ZBTB38: variants seen among roughly 807,000 people sequenced by gnomAD.
ZBTB38 encodes zinc finger and BTB domain-containing protein 38.
A neutral mutation model predicts 76.8 loss-of-function variants in ZBTB38; 20 were observed. That is an observed-to-expected ratio of 0.26 (90% CI 0.18 to 0.38). The LOEUF (loss-of-function observed/expected upper bound fraction) is 0.38, where lower values mean the gene tolerates loss of function less well. ZBTB38 is among the 10% of genes least tolerant of loss of function. The pLI is 1.00. For missense variants in ZBTB38, 1,082 were observed against 1,482.3 expected, an observed-to-expected ratio of 0.73 and a Z score of 4.43; for synonymous variants, 504 against 544.2, an observed-to-expected ratio of 0.93 and a Z score of 1.03.
intron 1 of ZBTB38, among the ~76,000 whole-genome samples, chr3:141,359,859 A>C (rs1024527128): frequency 1.3e-5 from 2 of 152,094 alleles, no homozygotes; most frequent in African/African-American, 4.8e-5. Context: ...TGAGCCCTGA[A>C]GGTTGAGGTT....
chr3:141,332,031 C>T (rs1384950886), intron 1 of ZBTB38, among the ~76,000 whole-genome samples: 2 of 152,124 alleles, frequency 1.3e-5, no homozygotes, highest in African/African-American at 4.8e-5. Flanking sequence ...ATTGTGTCAC[C>T]AACGTTTCTT....
At position 141,444,734 on chromosome 3, in the gene ZBTB38, A is replaced by G. The variant is rs1228040377; in HGVS notation, c.2346A>G (p.Ser782=). Residue 782 remains serine, a synonymous_variant, in exon 6 of 6, where the codon TCA becomes TCG. Coordinates refer to ENST00000321464, the MANE Select transcript of ZBTB38 (RefSeq NM_001376113.1). The surrounding 1 kb of genome is among the most constrained non-coding windows in gnomAD (Gnocchi z 5.1). ...TTAAGGAGAAAAAGAAAACTACATCACATACCAGGGGAGAAATACCGGAGG... is the reference window on the plus strand; with the variant it reads ...TTAAGGAGAAAAAGAAAACTACATCGCATACCAGGGGAGAAATACCGGAGG... The part of the protein sequence containing the change: ...KSIKEKKKTT[S]HTRGEIPEES... 3.7e-6 allele frequency: 6 copies of G among 1,614,012 alleles called. No homozygotes were observed. The highest frequency in any genetic ancestry group is 1.7e-5 in the Admixed American group (1 of 60,000).
intron 1 of ZBTB38, among the ~76,000 whole-genome samples, chr3:141,361,760 T>A (rs1405622005): frequency 6.6e-6 from 1 of 152,176 alleles, no homozygotes; most frequent in African/African-American, 2.4e-5. Flanking sequence ...AGAGCCTCAG[T>A]GCCCCCAAAT....
intron 5 of ZBTB38, among the ~76,000 whole-genome samples, chr3:141,407,393 A>C (rs1954921106): frequency 6.6e-6 from 1 of 152,252 alleles, no homozygotes; most frequent in African/African-American, 2.4e-5. Context: ...GATTATTTGG[A>C]AGACTAATTA....
At chr3:141,364,042 C>A (rs2148965589), upstream of ZBTB38, among the ~76,000 whole-genome samples, 1 of 152,074 alleles carries the variant, frequency 6.6e-6, no homozygotes, top group South Asian at 2.1e-4. Flanking sequence ...AAATGACAAC[C>A]ATAGACAGGG....
intron 5 of ZBTB38, chr3:141,431,872 T>G (rs1559956627): frequency 6.5e-6 from 1 of 154,386 alleles, no homozygotes; most frequent in Admixed American, 6.5e-5. Context: ...TGCAGTAAAA[T>G]CTGATAAATG....
In ZBTB38 at chr3:141,383,278, G is replaced by C. The variant is rs139915185; in HGVS notation, c.-172+1791G>C. Among the ~76,000 whole-genome samples, 383 of 152,154 alleles carry C rather than the reference G, an allele frequency of 2.5e-3. 1 individual carries two copies. The highest frequency in any genetic ancestry group is 9.1e-3 in the African/African-American group (377 of 41,506). On this transcript the variant is annotated intron_variant, in intron 3 of 5. Coordinates refer to ENST00000321464, the MANE Select transcript of ZBTB38 (RefSeq NM_001376113.1). Reference sequence around the variant, plus strand: ...AATTAAATCACCATGTTGTTTCCAGGACTAAATACGCTATAGACAGATGTA... The same window carrying C: ...AATTAAATCACCATGTTGTTTCCAGCACTAAATACGCTATAGACAGATGTA...
intron 1 of ZBTB38, among the ~76,000 whole-genome samples, chr3:141,327,740 T>G (rs1942716420): frequency 6.6e-6 from 1 of 152,236 alleles, no homozygotes; most frequent in African/African-American, 2.4e-5. Context: ...CACACTAATG[T>G]AATACATGAA....
chr3:141,422,309 C>T (rs1432404474), intron 5 of ZBTB38, among the ~76,000 whole-genome samples: 1 of 152,204 alleles, frequency 6.6e-6, no homozygotes, highest in Non-Finnish European at 1.5e-5. Context: ...TCCTGCCCCA[C>T]CTCTCGGGCC....
chr3:141,392,223 G>C (rs2149359171), intron 4 of ZBTB38, among the ~76,000 whole-genome samples: 1 of 152,300 alleles, frequency 6.6e-6, no homozygotes, highest in South Asian at 2.1e-4. Context: ...AGACAAGCTT[G>C]TTCGGTTCCT....
At position 141,443,057 on chromosome 3, in the gene ZBTB38, C is replaced by G. The variant is rs745890075; in HGVS notation, c.669C>G (p.Tyr223Ter). 6.2e-7 allele frequency: 1 copy of G among 1,614,250 alleles called. No homozygotes were observed. The highest frequency in any genetic ancestry group is 1.7e-5 in the Admixed American group (1 of 60,034). Residue 223 changes from tyrosine (Y) to a stop codon, truncating the protein, a stop_gained, in exon 6 of 6, where the codon TAC (tyrosine) becomes TAG (stop). Coordinates refer to ENST00000321464, the MANE Select transcript of ZBTB38 (RefSeq NM_001376113.1). LOFTEE classifies it high-confidence loss of function. This position sits in a 1 kb window ranked among gnomAD's most constrained non-coding sequence, Gnocchi z 5.6. ...EPVRTLAEHS[Y>*]AVSSVAEAYR... Reference sequence around the variant, plus strand: ...TCCGCACACTTGCCGAGCACTCATACGCTGTTTCTTCCGTAGCTGAAGCTT... The same window carrying G: ...TCCGCACACTTGCCGAGCACTCATAGGCTGTTTCTTCCGTAGCTGAAGCTT...
At chr3:141,325,705 G>T (rs572505374) in intron 1 of ZBTB38, among the ~76,000 whole-genome samples, 2 of 152,308 alleles carry the variant, frequency 1.3e-5, no homozygotes, top group African/African-American at 4.8e-5. Context: ...ATAGAGTTTG[G>T]TGAGTTGAAG....
At position 141,442,331 on chromosome 3, in the gene ZBTB38, A is replaced by C; in HGVS notation, c.1-58A>C. On this transcript the variant is annotated intron_variant, in intron 5 of 5. Coordinates refer to ENST00000321464, the MANE Select transcript of ZBTB38 (RefSeq NM_001376113.1). This position sits in a 1 kb window ranked among gnomAD's most constrained non-coding sequence, Gnocchi z 6.4. ...TTTTCACAGAAGTGGAAAATAGTCT[A>C]GAGATAAAGAAGCCACCTGTGGAAG... 3.9e-6 allele frequency: 5 copies of C among 1,291,896 alleles called. No homozygotes were observed. The highest frequency in any genetic ancestry group is 5.4e-6 in the Non-Finnish European group (5 of 922,950). 80.0% of individuals were successfully genotyped at this position (1,291,896 alleles called of 1,614,324 possible).
chr3:141,443,179 G>A lies in ZBTB38; in HGVS notation c.791G>A (p.Arg264Gln), dbSNP rs530749887. 9.1e-5 allele frequency: 147 copies of A among 1,614,190 alleles called. No individual in the cohort carries two copies. Among genetic ancestry groups the A allele is most frequent in the Middle Eastern group, 1.6e-4 (1 of 6,062 alleles). Reference protein sequence around the residue: ...EALAAKPKTCRKPKTFSIPQD... With the variant: ...EALAAKPKTCQKPKTFSIPQD... ...CTTGCAGCGAAACCGAAAACATGCC[G>A]GAAGCCAAAGACATTCTCCATACCA... Residue 264 changes from arginine (R) to glutamine (Q), a missense_variant, in exon 6 of 6, where the codon CGG becomes CAG. This residue lies in a region of ZBTB38 where 324 missense variants were observed against 359.1 expected (regional missense o/e 0.90). Coordinates refer to ENST00000321464, the MANE Select transcript of ZBTB38 (RefSeq NM_001376113.1). The surrounding 1 kb of genome is among the most constrained non-coding windows in gnomAD (Gnocchi z 5.6).
chr3:141,367,897 A>G (rs1160061670), upstream of ZBTB38: 2 of 152,234 alleles, frequency 1.3e-5, no homozygotes. Context: ...CCAGGCACTG[A>G]GATATAAATA....
chr3:141,357,714 T>C (rs1418871447), intron 1 of ZBTB38, among the ~76,000 whole-genome samples: 1 of 152,134 alleles, frequency 6.6e-6, no homozygotes, highest in African/African-American at 2.4e-5. Context: ...CTTGAACTCC[T>C]GAGCTCAGGT....
chr3:141,329,652 C>T (rs1404553038), intron 1 of ZBTB38, among the ~76,000 whole-genome samples: 1 of 152,182 alleles, frequency 6.6e-6, no homozygotes, highest in Non-Finnish European at 1.5e-5. Flanking sequence ...GGGAGGAGAG[C>T]AGAAATGGAA....
chr3:141,415,275 A>G (rs2073724633), intron 5 of ZBTB38, among the ~76,000 whole-genome samples: 1 of 152,116 alleles, frequency 6.6e-6, no homozygotes, highest in South Asian at 2.1e-4. Flanking sequence ...TTTATTAGAA[A>G]TGCAAGTTTC....
chr3:141,362,511 T>C (rs543657483), intron 1 of ZBTB38, among the ~76,000 whole-genome samples: 1 of 152,318 alleles, frequency 6.6e-6, no homozygotes, highest in South Asian at 2.1e-4. Flanking sequence ...ATATCAGACA[T>C]TGCACTAAGC....
Sources: gnomAD v4.1 joint callset for allele counts (sites outside exome capture counted in the v4.1 genomes callset) on GRCh38, gnomAD v4.1.1 for gene constraint, gnomAD v4.1.1 regional missense constraint, Gnocchi (gnomAD v3.1) non-coding constraint, MANE v1.5 for transcripts, NCBI Gene and HGNC (gene_info 2026-07-23, HGNC 2026-07-21) for gene names.